TMEM230: variants seen among roughly 807,000 people sequenced by gnomAD.
The protein encoded by TMEM230 is transmembrane protein 230.
A neutral mutation model predicts 15.8 loss-of-function variants in TMEM230; 10 were observed. The ratio of observed to expected loss-of-function variants is 0.63; its 90% CI spans 0.39 to 1.07. The LOEUF (loss-of-function observed/expected upper bound fraction) is 1.07, where lower values mean the gene tolerates loss of function less well. Ranked by LOEUF, TMEM230 falls within the 50% of genes least tolerant of loss-of-function variation. The probability of loss-of-function intolerance (pLI) is 0.01; values close to 1 mark genes in which losing one functional copy is unlikely to be tolerated. For synonymous variants in TMEM230, 67 were observed against 76.9 expected, an observed-to-expected ratio of 0.87 and a Z score of 0.68; for missense variants, 165 against 193.3, an observed-to-expected ratio of 0.85 and a Z score of 0.87.
intron 3 of TMEM230, among the ~76,000 whole-genome samples, chr20:5,094,704 CAAAAA>C (rs774664710): frequency 1.6e-5 from 1 of 61,594 alleles, no homozygotes; most frequent in South Asian, 8.9e-4. Flanking sequence ...GACTCCATCT[CAAAAA>C]AAAAAAAAAA....
chr20:5,073,570 G>T (rs969858558), intron 3 of TMEM230, among the ~76,000 whole-genome samples: 2 of 152,210 alleles, frequency 1.3e-5, no homozygotes, highest in Non-Finnish European at 2.9e-5. Context: ...TGGATGAAGA[G>T]CAGTGATGTG....
chr20:5,082,751 A>G (rs953914516), intron 3 of TMEM230, among the ~76,000 whole-genome samples: 1 of 152,026 alleles, frequency 6.6e-6, no homozygotes, highest in Non-Finnish European at 1.5e-5. Flanking sequence ...GCCTTAAGGA[A>G]ACCCTTATTT....
At chr20:5,078,889 G>A (rs984474548) in intron 3 of TMEM230, among the ~76,000 whole-genome samples, 3 of 152,180 alleles carry the variant, frequency 2.0e-5, no homozygotes, top group Admixed American at 6.5e-5. Flanking sequence ...TCCTGGCCTC[G>A]AGCAATCCTC....
chr20:5,070,492 G>C (rs1002278167), intron 3 of TMEM230, among the ~76,000 whole-genome samples: 2 of 152,160 alleles, frequency 1.3e-5, no homozygotes, highest in African/African-American at 4.8e-5. Flanking sequence ...GACTAAGCCA[G>C]GAAGAGAACC....
At chr20:5,086,787 C>T (rs1316250149) in intron 3 of TMEM230, among the ~76,000 whole-genome samples, 1 of 151,716 alleles carries the variant, frequency 6.6e-6, no homozygotes, top group Non-Finnish European at 1.5e-5. Flanking sequence ...GTAGCCTCAA[C>T]CTTCTAGCCT....
intron 4 of TMEM230, 73 bp downstream of exon 3, chr20:5,106,115 A>ACACACG (rs1307582343): frequency 1.5e-5 from 23 of 1,506,172 alleles, no homozygotes; most frequent in Non-Finnish European, 1.5e-5. Flanking sequence ...ACACACACAC[A>ACACACG]CACACGCACA....
At chr20:5,111,983 A>C (rs1273218862) in intron 1 of TMEM230, among the ~76,000 whole-genome samples, 2 of 152,092 alleles carry the variant, frequency 1.3e-5, no homozygotes, top group African/African-American at 4.8e-5. Flanking sequence ...AGTGGCTGGG[A>C]CTACAGGAGC....
chr20:5,096,441 A>C (rs556688006), downstream of TMEM230, among the ~76,000 whole-genome samples: 14 of 152,312 alleles, frequency 9.2e-5, no homozygotes, highest in African/African-American at 3.4e-4. Context: ...TGAATCTAGG[A>C]GAGAAGCCTC....
intron 3 of TMEM230, among the ~76,000 whole-genome samples, chr20:5,094,630 A>C (rs943694964): frequency 3.5e-5 from 5 of 142,990 alleles, no homozygotes; most frequent in African/African-American, 1.3e-4. Context: ...TAGCTTGAAC[A>C]TGTGAGGCAG....
At position 5,113,071 on chromosome 20, in the gene TMEM230, A is replaced by C; in HGVS notation, c.-43T>G. 1.9e-6 allele frequency: 3 copies of C among 1,538,644 alleles called. No homozygotes were observed. Among genetic ancestry groups the C allele is most frequent in the Non-Finnish European group, 1.7e-6 (2 of 1,145,372 alleles). ...TGCCACTCAGCCGGCCCCAGGCGGG[A>C]TCAGTGCGCCGGAAGTGGCGTGCCG... is the stretch of plus-strand genomic sequence containing the variant. On this transcript the variant is annotated 5_prime_UTR_variant, in exon 1 of 5. Transcript: ENST00000342308.
rs567473115 is a variant in TMEM230, at chr20:5,078,464, G to T, written c.223-9115C>A. Among the ~76,000 whole-genome samples, 45 of 152,300 alleles carry T rather than the reference G, an allele frequency of 3.0e-4. 1 individual carries two copies. The South Asian group carries it at 3.7e-3, about 13-fold the overall frequency. On this transcript the variant is annotated intron_variant, in intron 3 of 3. Coordinates refer to the TMEM230 transcript ENST00000612323. ...TTCCTCTAACAGGTGTGAAGTATGA[G>T]ATAGAGACTGTATCATCCAGGGTAG...
At position 5,109,395 on chromosome 20, in the gene TMEM230, G is replaced by A. The variant is rs752530360; in HGVS notation, c.225C>T (p.Ile75=). ...TTGAATATTTCACTTTACTACTGGG[G>A]ATTCCAGTAGCCAGGTTGGTACGGG... Residue 75 remains isoleucine (I), a synonymous_variant, in exon 3 of 5, where the codon ATC becomes ATT. Coordinates refer to ENST00000342308, the MANE Select transcript of TMEM230 (RefSeq NM_001009923.2). 4 of 1,613,710 alleles carry A rather than the reference G, an allele frequency of 2.5e-6. No individual in the cohort carries two copies. The highest frequency in any genetic ancestry group is 2.5e-6 in the Non-Finnish European group (3 of 1,179,840).
chr20:5,075,683 C>T (rs1000251837), intron 3 of TMEM230, among the ~76,000 whole-genome samples: 1 of 151,990 alleles, frequency 6.6e-6, no homozygotes, highest in African/African-American at 2.4e-5. Flanking sequence ...TGAGATCGCA[C>T]CACTTCACTC....
At chr20:5,097,900 G>A (rs954355124), downstream of TMEM230, among the ~76,000 whole-genome samples, 2 of 149,316 alleles carry the variant, frequency 1.3e-5, no homozygotes, top group East Asian at 2.0e-4. Flanking sequence ...GTGAGCCACC[G>A]TACCAGGCCC....
At chr20:5,076,251 ATGT>A (rs2088989960) in intron 3 of TMEM230, among the ~76,000 whole-genome samples, 1 of 152,068 alleles carries the variant, frequency 6.6e-6, no homozygotes, top group Non-Finnish European at 1.5e-5. Context: ...CAAGCATTAA[ATGT>A]TGTTGGCTGG....
the TMEM230 span, among the ~76,000 whole-genome samples, chr20:5,063,102 G>A: frequency 6.6e-6 from 1 of 151,854 alleles, no homozygotes; most frequent in African/African-American, 2.4e-5. Context: ...TACTGTGAAT[G>A]TCTAACTTAG....
chr20:5,112,718 G>A (rs1010588603), intron 1 of TMEM230: 2 of 1,427,190 alleles, frequency 1.4e-6, no homozygotes, highest in Non-Finnish European at 1.8e-6. Flanking sequence ...GGCATTACGC[G>A]CCTCTACATA....
At chr20:5,086,231 A>T (rs1344515407) in intron 3 of TMEM230, among the ~76,000 whole-genome samples, 18 of 25,650 alleles carry the variant, frequency 7.0e-4, no homozygotes, top group Non-Finnish European at 1.1e-3. Flanking sequence ...CATTTCTATT[A>T]AAAAAAAAAA....
intron 3 of TMEM230, among the ~76,000 whole-genome samples, chr20:5,106,822 C>T (rs1247604676): frequency 6.6e-6 from 1 of 152,106 alleles, no homozygotes; most frequent in Admixed American, 6.5e-5. Flanking sequence ...TCTCTTGCCT[C>T]ATCCTCTCAA....
Sources: allele counts gnomAD v4.1 joint callset (sites outside exome capture counted in the v4.1 genomes callset), GRCh38; gene constraint gnomAD v4.1.1; transcripts MANE v1.5; gene names NCBI Gene and HGNC (gene_info 2026-07-23, HGNC 2026-07-21).